The following GABBR2 variants were observed in gnomAD, a reference collection of about 807,000 sequenced individuals.
GABBR2 encodes the protein gamma-aminobutyric acid type B receptor subunit 2.
A neutral mutation model predicts 105.6 loss-of-function variants in GABBR2; 23 were observed. The ratio of observed to expected loss-of-function variants is 0.22; its 90% CI spans 0.16 to 0.31. GABBR2 has a LOEUF of 0.31. GABBR2 is among the 10% of genes least tolerant of loss of function. The pLI is 1.00. For missense variants in GABBR2, 734 were observed against 1,245.5 expected (o/e 0.59, Z 6.18); for synonymous variants, 478 against 499.7 (o/e 0.96, Z 0.58).
At chr9:98,605,792 T>A (rs1467194682) in intron 1 of GABBR2, among the ~76,000 whole-genome samples, 1 of 152,196 alleles carries the variant, frequency 6.6e-6, no homozygotes, top group African/African-American at 2.4e-5. Flanking sequence ...ATTTTTTTTA[T>A]TATACTTTAA....
At chr9:98,565,905 C>A (rs967661080) in intron 2 of GABBR2, among the ~76,000 whole-genome samples, 2 of 152,246 alleles carry the variant, frequency 1.3e-5, no homozygotes, top group African/African-American at 4.8e-5. Flanking sequence ...ACACACCTTA[C>A]CAAACACAAC....
At chr9:98,626,716 T>G (rs1489297059) in intron 1 of GABBR2, among the ~76,000 whole-genome samples, 2 of 152,238 alleles carry the variant, frequency 1.3e-5, no homozygotes, top group Non-Finnish European at 2.9e-5. Context: ...ATTTTTATTA[T>G]CTGAAGCAAC....
intron 3 of GABBR2, among the ~76,000 whole-genome samples, chr9:98,504,110 A>G (rs778228358): frequency 2.6e-5 from 4 of 152,090 alleles, no homozygotes; most frequent in Non-Finnish European, 5.9e-5. Context: ...TCTAGTAGGT[A>G]CATCTCATCT....
At chr9:98,435,170 G>C (rs1302310769) in intron 7 of GABBR2, among the ~76,000 whole-genome samples, 1 of 152,150 alleles carries the variant, frequency 6.6e-6, no homozygotes, top group Non-Finnish European at 1.5e-5. Flanking sequence ...TTTTCCTGTG[G>C]GATCAGGCCA....
chr9:98,569,374 C>T (rs35907958), intron 2 of GABBR2, among the ~76,000 whole-genome samples: 2,910 of 152,242 alleles, frequency 0.019, 32 homozygotes, highest in Non-Finnish European at 0.031. Context: ...ATCCCTGACT[C>T]CTTATTTTCA....
intron 13 of GABBR2, among the ~76,000 whole-genome samples, chr9:98,317,847 A>G (rs192950525): frequency 4.4e-4 from 67 of 152,314 alleles, no homozygotes; most frequent in African/African-American, 1.5e-3. Context: ...CACACAGTAC[A>G]GTTATGAATA....
chr9:98,628,491 C>A (rs1829776012), intron 1 of GABBR2, among the ~76,000 whole-genome samples: 1 of 152,182 alleles, frequency 6.6e-6, no homozygotes, highest in Non-Finnish European at 1.5e-5. Flanking sequence ...CTGCAAAACA[C>A]TTGAGCTTGC....
At chr9:98,466,226 G>T (rs964276566) in intron 6 of GABBR2, among the ~76,000 whole-genome samples, 2 of 152,064 alleles carry the variant, frequency 1.3e-5, no homozygotes, top group African/African-American at 2.4e-5. Flanking sequence ...TGTGAGAAAG[G>T]ACTAATACAC....
chr9:98,617,779 C>T (rs1041074591), intron 1 of GABBR2, among the ~76,000 whole-genome samples: 2 of 152,160 alleles, frequency 1.3e-5, no homozygotes, highest in Non-Finnish European at 2.9e-5. Context: ...AAAGTCACAG[C>T]AGAGACAAGT....
intron 11 of GABBR2, among the ~76,000 whole-genome samples, chr9:98,384,688 A>G (rs1388333202): frequency 1.3e-5 from 2 of 152,240 alleles, no homozygotes; most frequent in Non-Finnish European, 2.9e-5. Context: ...TTTCTAATGT[A>G]TAGTAAATTA....
At chr9:98,418,621 G>A (rs1451820484) in intron 7 of GABBR2, among the ~76,000 whole-genome samples, 2 of 152,180 alleles carry the variant, frequency 1.3e-5, no homozygotes, top group African/African-American at 2.4e-5. Flanking sequence ...ATATGTAAAT[G>A]GGAAGGAAGT....
intron 4 of GABBR2, among the ~76,000 whole-genome samples, chr9:98,482,844 G>A (rs899264269): frequency 2.0e-5 from 3 of 151,910 alleles, no homozygotes; most frequent in East Asian, 1.9e-4. Flanking sequence ...GGCTCCCCTC[G>A]TGCCTGCCTG....
intron 13 of GABBR2, among the ~76,000 whole-genome samples, chr9:98,338,582 C>T (rs962463788): frequency 6.6e-6 from 1 of 152,168 alleles, no homozygotes; most frequent in Non-Finnish European, 1.5e-5. Context: ...CACCAGAAAC[C>T]TTTATACTCA....
chr9:98,541,682 A>AG (rs1754113563), intron 3 of GABBR2, among the ~76,000 whole-genome samples, 191 bp downstream of exon 3: 1 of 152,266 alleles, frequency 6.6e-6, no homozygotes, highest in Non-Finnish European at 1.5e-5. Context: ...GGTTTCCACC[A>AG]GTCCTATGCA....
intron 13 of GABBR2, among the ~76,000 whole-genome samples, chr9:98,324,284 T>C (rs991366790): frequency 1.3e-5 from 2 of 152,162 alleles, no homozygotes; most frequent in African/African-American, 4.8e-5. Flanking sequence ...TTACAGTGTG[T>C]CCTTGGCTAA....
chr9:98,625,727 C>G (rs531059541), intron 1 of GABBR2, among the ~76,000 whole-genome samples: 1 of 152,166 alleles, frequency 6.6e-6, no homozygotes, highest in Non-Finnish European at 1.5e-5. Context: ...TAAGATGAAT[C>G]AAATCCATAT....
At chr9:98,582,578 C>T (rs544324781) in intron 1 of GABBR2, among the ~76,000 whole-genome samples, 1 of 152,306 alleles carries the variant, frequency 6.6e-6, no homozygotes, top group South Asian at 2.1e-4. Flanking sequence ...TGATCAGTTA[C>T]AGCAGCATAG....
intron 2 of GABBR2, among the ~76,000 whole-genome samples, chr9:98,551,329 G>C (rs1215519636): frequency 1.3e-5 from 2 of 152,164 alleles, no homozygotes; most frequent in East Asian, 3.9e-4. Flanking sequence ...CTTAAACCCA[G>C]GAAGAAGAGG....
chr9:98,661,030 G>A (rs2151074), intron 1 of GABBR2, among the ~76,000 whole-genome samples: 10 of 152,206 alleles, frequency 6.6e-5, no homozygotes, highest in South Asian at 4.1e-4. Flanking sequence ...TTCAGCCTCC[G>A]GAGTAGCTGG....
Sources: allele counts gnomAD v4.1 joint callset (sites outside exome capture counted in the v4.1 genomes callset), GRCh38; gene constraint gnomAD v4.1.1; transcripts MANE v1.5; gene names NCBI Gene and HGNC (gene_info 2026-07-23, HGNC 2026-07-21).